The following TIAM1 variants were observed in gnomAD, a reference collection of about 807,000 sequenced individuals.
TIAM1 encodes the protein TIAM Rac1 associated GEF 1.
Under a neutral mutation model 163.5 loss-of-function variants are expected in TIAM1, and 65 were observed. That is an observed-to-expected ratio of 0.40 (90% confidence interval 0.33 to 0.49). The LOEUF (loss-of-function observed/expected upper bound fraction) is 0.49. Among genes scored for constraint, TIAM1 ranks in the 20% least tolerant of loss-of-function variants. The pLI is 0.77. For missense variants in TIAM1, 1,789 were observed against 2,044.7 expected (o/e 0.87, Z 2.41); for synonymous variants, 833 against 810.1 (o/e 1.03, Z -0.48).
intron 6 of TIAM1, among the ~76,000 whole-genome samples, chr21:31,231,960 T>G (rs1036664886): frequency 1.3e-5 from 2 of 151,664 alleles, no homozygotes; most frequent in African/African-American, 4.9e-5. Flanking sequence ...TGTAGTGAGC[T>G]GAGATTATGC....
chr21:31,499,959 A>G (rs8131341), intron 1 of TIAM1, among the ~76,000 whole-genome samples: 127,595 of 151,940 alleles, frequency 0.84, 53,846 homozygotes, highest in African/African-American at 0.9. Context: ...CTGAGGTCAG[A>G]AGTTCAAGAC....
chr21:31,425,830 G>A lies in TIAM1; in HGVS notation c.-369+38153C>T, dbSNP rs545611643. Among the ~76,000 whole-genome samples the A allele has an allele frequency of 7.9e-5, 12 of 151,982 alleles. No individual in the cohort carries two copies. In the South Asian group the frequency reaches 2.3e-3, roughly 29 times the overall value. On this transcript the variant is annotated intron_variant, in intron 2 of 28. Coordinates refer to the TIAM1 transcript ENST00000286827. Reference sequence around the variant, plus strand: ...TCCTGCCTCATCTTCCCGAGTAGCTGGGATTACAAGCACATGCCACCACAC... The same window carrying A: ...TCCTGCCTCATCTTCCCGAGTAGCTAGGATTACAAGCACATGCCACCACAC...
rs144195119 is a variant in TIAM1 at position 31,224,189 on chromosome 21, A to G, written c.1810-598T>C. Among the ~76,000 whole-genome samples the G allele has an allele frequency of 5.9e-5, 9 of 152,312 alleles. No homozygotes were observed. The East Asian group carries it at 1.5e-3, about 26-fold the overall frequency. ...GATGTTTGAAAAAGATAATACAAGC[A>G]TAAGTACAAGGTCTGGCATAGAGTG... On this transcript the variant is annotated intron_variant, in intron 7 of 27. Coordinates refer to ENST00000541036, the MANE Select transcript of TIAM1 (RefSeq NM_001353694.2).
intron 2 of TIAM1, among the ~76,000 whole-genome samples, chr21:31,355,132 T>C (rs2076293838): frequency 6.8e-6 from 1 of 146,760 alleles, no homozygotes; most frequent in South Asian, 2.2e-4. Flanking sequence ...AGGTCAGCAG[T>C]CTCCTGCAGA....
chr21:31,549,181 C>CA (rs1330663779), intron 1 of TIAM1, among the ~76,000 whole-genome samples: 1 of 152,072 alleles, frequency 6.6e-6, no homozygotes, highest in Non-Finnish European at 1.5e-5. Flanking sequence ...TGTTTTAAAA[C>CA]AAAATGTTTC....
intron 5 of TIAM1, 147 bp downstream of exon 5, chr21:31,251,595 T>C (rs191820390): frequency 1.2e-6 from 1 of 844,804 alleles, no homozygotes; most frequent in East Asian, 2.7e-5. Context: ...CGAAGTGCTC[T>C]TACTATGATA....
At chr21:31,490,605 A>G (rs1569379334) in intron 1 of TIAM1, among the ~76,000 whole-genome samples, 2 of 152,082 alleles carry the variant, frequency 1.3e-5, no homozygotes, top group Admixed American at 6.6e-5. Context: ...ATATAAACCA[A>G]TGAGAGCCTC....
chr21:31,465,483 A>G (rs1033254632), intron 1 of TIAM1, among the ~76,000 whole-genome samples: 1 of 152,170 alleles, frequency 6.6e-6, no homozygotes, highest in African/African-American at 2.4e-5. Context: ...GGCAGATTTC[A>G]GCCCTTGCTT....
intron 2 of TIAM1, among the ~76,000 whole-genome samples, chr21:31,442,742 A>G (rs1029123543): frequency 6.6e-6 from 1 of 152,236 alleles, no homozygotes; most frequent in Non-Finnish European, 1.5e-5. Context: ...GTCACAGCCT[A>G]GTCAAAAAGA....
At chr21:31,430,123 T>C (rs906488004) in intron 2 of TIAM1, among the ~76,000 whole-genome samples, 2 of 151,156 alleles carry the variant, frequency 1.3e-5, no homozygotes, top group Non-Finnish European at 2.9e-5. Context: ...GGAGAATCGC[T>C]TGAACCCGGG....
intron 1 of TIAM1, among the ~76,000 whole-genome samples, chr21:31,494,660 C>A (rs112000267): frequency 6.6e-6 from 1 of 152,070 alleles, no homozygotes; most frequent in Admixed American, 6.6e-5. Context: ...CTGGCCAACA[C>A]GGTGAAAACC....
intron 25 of TIAM1, among the ~76,000 whole-genome samples, 154 bp from the exon 26 acceptor site, chr21:31,127,306 G>A (rs966897792): frequency 5.8e-4 from 88 of 152,120 alleles, no homozygotes; most frequent in African/African-American, 2.1e-3. Context: ...AATCTAAAGA[G>A]ATGAAGCGAC....
intron 1 of TIAM1, among the ~76,000 whole-genome samples, chr21:31,465,016 T>A (rs969831106): frequency 6.6e-6 from 1 of 151,434 alleles, no homozygotes; most frequent in Non-Finnish European, 1.5e-5. Context: ...CCTAAAAAAA[T>A]AAAAATAAAT....
At chr21:31,359,850 A>G (rs1195008676) in intron 2 of TIAM1, among the ~76,000 whole-genome samples, 41 of 115,682 alleles carry the variant, frequency 3.5e-4, no homozygotes, top group African/African-American at 1.1e-3. Flanking sequence ...GGAAGGAAGG[A>G]AGGAAGGAAG....
At chr21:31,460,455 C>T (rs2300368) in intron 2 of TIAM1, among the ~76,000 whole-genome samples, 18,395 of 152,024 alleles carry the variant, frequency 0.12, 1,180 homozygotes, top group Admixed American at 0.14. Context: ...AGTGAAACCC[C>T]ATCTCTACTA....
intron 3 of TIAM1, among the ~76,000 whole-genome samples, chr21:31,274,240 A>C (rs920770165): frequency 6.6e-6 from 1 of 152,156 alleles, no homozygotes; most frequent in Admixed American, 6.5e-5. Context: ...TGAGTAAACA[A>C]ACAGAACACA....
intron 1 of TIAM1, among the ~76,000 whole-genome samples, chr21:31,476,377 A>T (rs1289873339): frequency 6.6e-6 from 1 of 152,198 alleles, no homozygotes; most frequent in Non-Finnish European, 1.5e-5. Flanking sequence ...GCTGGAACGG[A>T]AGGAAGAGAA....
At chr21:31,190,614 A>T (rs1373999024) in intron 13 of TIAM1, among the ~76,000 whole-genome samples, 1 of 152,176 alleles carries the variant, frequency 6.6e-6, no homozygotes, top group Non-Finnish European at 1.5e-5. Context: ...GTACCCAGAG[A>T]AAAGGAACAT....
intron 6 of TIAM1, among the ~76,000 whole-genome samples, chr21:31,243,570 C>T (rs1390181999): frequency 6.6e-6 from 1 of 152,052 alleles, no homozygotes; most frequent in East Asian, 1.9e-4. Flanking sequence ...AAAGACACTA[C>T]CCCATAAATA....
Sources: allele counts gnomAD v4.1 joint callset (sites outside exome capture counted in the v4.1 genomes callset), GRCh38; gene constraint gnomAD v4.1.1; transcripts MANE v1.5; gene names NCBI Gene and HGNC (gene_info 2026-07-23, HGNC 2026-07-21).